Variants in VAT1L observed in about 807,000 individuals in gnomAD.
The protein encoded by VAT1L is vesicle amine transport 1 like, also known as putative NADPH-dependent quinone oxidoreductase VAT1L.
Under a neutral mutation model 44.1 loss-of-function variants are expected in VAT1L, and 34 were observed. The observed-to-expected ratio is 0.77, with a 90% CI of 0.59 to 1.03. The LOEUF is 1.03. VAT1L is among the 50% of genes least tolerant of loss of function. The pLI is 0.00. For missense variants in VAT1L, 615 were observed against 538.8 expected (o/e 1.14, Z -1.40); for synonymous variants, 253 against 202.2 (o/e 1.25, Z -2.13).
chr16:77,838,747 C>A (rs2145257424), intron 3 of VAT1L, among the ~76,000 whole-genome samples: 1 of 151,742 alleles, frequency 6.6e-6, no homozygotes, highest in East Asian at 1.9e-4. Context: ...CTCCCTTCCT[C>A]TCTTTTCCGT....
chr16:77,964,779 C>CTTT lies in VAT1L; in HGVS notation c.1078-7041_1078-7039dup, dbSNP rs10566511. On this transcript the variant is annotated intron_variant, in intron 7 of 8. Transcript: ENST00000302536. ...AACACTGCTCACGCCCTTTGTAGCACTTTTTTTTTTTTTTTTTTTTTTTTT... is the reference window on the plus strand; with the variant it reads ...AACACTGCTCACGCCCTTTGTAGCACTTTTTTTTTTTTTTTTTTTTTTTTTTTT... 7.3e-4 allele frequency among the ~76,000 whole-genome samples: 67 copies of CTTT among 91,876 alleles called. 4 individuals are homozygous for CTTT. The highest frequency in any genetic ancestry group is 3.1e-3 in the African/African-American group (51 of 16,254). 60.3% of individuals were successfully genotyped at this position (91,876 alleles called of 152,430 possible).
intron 7 of VAT1L, among the ~76,000 whole-genome samples, chr16:77,947,648 A>G (rs1006451465): frequency 6.6e-6 from 1 of 152,140 alleles, no homozygotes. Flanking sequence ...AGGACACCCA[A>G]TAGCACTGTC....
rs1343350017 is a variant in VAT1L, at chr16:77,960,922, G to A, written c.1078-10928G>A. ...ATTTTCCCCATGGGTCACGCGCTGA[G>A]TCTTGAACACCAGCCAACTTCATTG... On this transcript the variant is annotated intron_variant, in intron 7 of 8. Coordinates refer to ENST00000302536, the MANE Select transcript of VAT1L (RefSeq NM_020927.3). 2.0e-5 allele frequency among the ~76,000 whole-genome samples: 3 copies of A among 152,074 alleles called. No individual in the cohort carries two copies. The East Asian group carries it at 5.8e-4, about 29-fold the overall frequency.
chr16:77,807,671 G>T (rs1331164390), intron 1 of VAT1L, among the ~76,000 whole-genome samples: 1 of 152,144 alleles, frequency 6.6e-6, no homozygotes, highest in African/African-American at 2.4e-5. Flanking sequence ...GTGTCATAGT[G>T]ATGACAGTGA....
intron 7 of VAT1L, among the ~76,000 whole-genome samples, chr16:77,968,294 G>C (rs1360865962): frequency 6.6e-6 from 1 of 152,156 alleles, no homozygotes; most frequent in South Asian, 2.1e-4. Flanking sequence ...TTCAGGGCCA[G>C]TCCACAGTGC....
chr16:77,969,122 T>C (rs2018253122), intron 7 of VAT1L, among the ~76,000 whole-genome samples: 1 of 152,178 alleles, frequency 6.6e-6, no homozygotes, highest in Non-Finnish European at 1.5e-5. Context: ...CCTGGCCTGA[T>C]ATTATTATCT....
chr16:77,850,632 C>T (rs753290952), intron 3 of VAT1L, among the ~76,000 whole-genome samples: 11 of 152,068 alleles, frequency 7.2e-5, no homozygotes, highest in Non-Finnish European at 4.4e-5. Context: ...TAGTTTGAGT[C>T]GTTTGGTTTT....
At chr16:77,898,960 G>A (rs189046668) in intron 7 of VAT1L, among the ~76,000 whole-genome samples, 1 of 152,304 alleles carries the variant, frequency 6.6e-6, no homozygotes, top group African/African-American at 2.4e-5. Flanking sequence ...TGCCAGGAAA[G>A]TGCCACGCTC....
intron 1 of VAT1L, among the ~76,000 whole-genome samples, chr16:77,805,837 TTTGTGTTA>T (rs1450716334): frequency 6.6e-6 from 1 of 150,778 alleles, no homozygotes; most frequent in Admixed American, 6.6e-5. Flanking sequence ...CTTGTTACTT[TTTGTGTTA>T]TTTTTTCCTT....
chr16:77,966,105 T>C (rs891726460), intron 7 of VAT1L, among the ~76,000 whole-genome samples: 1 of 152,236 alleles, frequency 6.6e-6, no homozygotes, highest in Admixed American at 6.5e-5. Flanking sequence ...TTGGATATAT[T>C]TGGTTAAAGA....
At chr16:77,954,259 G>A (rs931461289) in intron 7 of VAT1L, among the ~76,000 whole-genome samples, 2 of 152,168 alleles carry the variant, frequency 1.3e-5, no homozygotes, top group African/African-American at 2.4e-5. Flanking sequence ...TTGTAGTCAC[G>A]GCTATCTGCT....
At chr16:77,908,439 G>A (rs759502068) in intron 7 of VAT1L, among the ~76,000 whole-genome samples, 35 of 144,332 alleles carry the variant, frequency 2.4e-4, no homozygotes, top group Middle Eastern at 3.5e-3. Flanking sequence ...CCTCCAGGCT[G>A]GGGGACAAGA....
intron 1 of VAT1L, among the ~76,000 whole-genome samples, chr16:77,795,809 T>TTCTC (rs146517297): frequency 1.4e-5 from 2 of 139,722 alleles, no homozygotes; most frequent in Non-Finnish European, 3.0e-5. Flanking sequence ...GCTCCCTTTT[T>TTCTC]TCTCTTTTTT....
At chr16:77,947,712 T>C (rs1235613208) in intron 7 of VAT1L, among the ~76,000 whole-genome samples, 1 of 152,192 alleles carries the variant, frequency 6.6e-6, no homozygotes, top group Non-Finnish European at 1.5e-5. Flanking sequence ...CAGAACTCTG[T>C]TCTCTTGCCT....
intron 1 of VAT1L, among the ~76,000 whole-genome samples, chr16:77,816,243 T>C (rs2016352496): frequency 6.6e-6 from 1 of 152,218 alleles, no homozygotes; most frequent in African/African-American, 2.4e-5. Flanking sequence ...ATATCTCTCA[T>C]CTGGAAATAA....
At chr16:77,827,390 ATTGTT>A (rs2016533928) in intron 3 of VAT1L, among the ~76,000 whole-genome samples, 1 of 152,132 alleles carries the variant, frequency 6.6e-6, no homozygotes, top group South Asian at 2.1e-4. Flanking sequence ...TTTTATTTTT[ATTGTT>A]TTGTTCTTGG....
chr16:77,869,596 G>A (rs1458561504), intron 4 of VAT1L, among the ~76,000 whole-genome samples: 5 of 152,168 alleles, frequency 3.3e-5, no homozygotes, highest in African/African-American at 9.7e-5. Context: ...TTGAGCCGAG[G>A]AGTTTGAGGC....
intron 3 of VAT1L, among the ~76,000 whole-genome samples, chr16:77,858,284 C>T (rs2016881796): frequency 6.6e-6 from 1 of 151,878 alleles, no homozygotes; most frequent in Non-Finnish European, 1.5e-5. Context: ...TGGGAATAGC[C>T]CTGATTGGAA....
At chr16:77,795,832 T>TTTTTTTC (rs2015922123) in intron 1 of VAT1L, among the ~76,000 whole-genome samples, 1 of 132,446 alleles carries the variant, frequency 7.6e-6, no homozygotes, top group African/African-American at 3.1e-5. Context: ...TTTTTTTTTT[T>TTTTTTTC]TTTTTTCATT....
Sources: allele counts gnomAD v4.1 joint callset (sites outside exome capture counted in the v4.1 genomes callset), GRCh38; gene constraint gnomAD v4.1.1; transcripts MANE v1.5; gene names NCBI Gene and HGNC (gene_info 2026-07-23, HGNC 2026-07-21).